NLK: variants seen among roughly 807,000 people sequenced by gnomAD.
The protein encoded by NLK is nemo like kinase, also known as serine/threonine-protein kinase NLK.
A neutral mutation model predicts 59.0 loss-of-function variants in NLK; 11 were observed. The ratio of observed to expected loss-of-function variants is 0.19; its 90% CI spans 0.12 to 0.31. NLK has a LOEUF of 0.31. NLK is among the 10% of genes least tolerant of loss of function. NLK has a pLI of 1.00. For missense variants in NLK, 410 were observed against 661.1 expected (o/e 0.62, Z 4.16); for synonymous variants, 235 against 235.9 (o/e 1.00, Z 0.03).
intron 6 of NLK, among the ~76,000 whole-genome samples, chr17:28,170,538 A>G (rs1483070977): frequency 6.6e-6 from 1 of 152,250 alleles, no homozygotes. Flanking sequence ...TGTTAAAAAA[A>G]TTATGTACAT....
intron 6 of NLK, among the ~76,000 whole-genome samples, chr17:28,170,159 G>A (rs1479027272): frequency 6.6e-6 from 1 of 152,176 alleles, no homozygotes; most frequent in African/African-American, 2.4e-5. Flanking sequence ...ATGGCATGTT[G>A]GAGGGAAGGT....
rs1004038164 is a variant in NLK, at chr17:28,152,914, A to G, written c.645-8246A>G. Among the ~76,000 whole-genome samples the G allele has an allele frequency of 2.0e-5, 3 of 151,990 alleles. No individual in the cohort carries two copies. The South Asian group carries it at 6.2e-4, about 32-fold the overall frequency. ...GTTGGGATTACAGGCATGAGCCACCATGCCTGGCCATTGGTACGTCAGGAT... is the reference window on the plus strand; with the variant it reads ...GTTGGGATTACAGGCATGAGCCACCGTGCCTGGCCATTGGTACGTCAGGAT... On this transcript the variant is annotated intron_variant, in intron 3 of 10. Coordinates refer to ENST00000407008, the MANE Select transcript of NLK (RefSeq NM_016231.5).
chr17:28,165,957 C>T (rs1024688277), intron 5 of NLK, among the ~76,000 whole-genome samples: 1 of 152,200 alleles, frequency 6.6e-6, no homozygotes, highest in African/African-American at 2.4e-5. Flanking sequence ...TGGCTCACGC[C>T]TGTAATCCCA....
At chr17:28,120,509 AGAAGGCTGAGGCAG>A (rs1425993869) in intron 1 of NLK, among the ~76,000 whole-genome samples, 1 of 152,138 alleles carries the variant, frequency 6.6e-6, no homozygotes, top group Non-Finnish European at 1.5e-5. Flanking sequence ...CTGTAGTCCC[AGAAGGCTGAGGCAG>A]GAAGACTGCT....
intron 3 of NLK, among the ~76,000 whole-genome samples, chr17:28,150,547 A>G (rs964496069): frequency 6.6e-6 from 1 of 152,212 alleles, no homozygotes; most frequent in Non-Finnish European, 1.5e-5. Flanking sequence ...AGAAAGCAGT[A>G]AAAAAGCTTG....
Position 28,129,721 on chromosome 17 carries a change from C to T in NLK, c.589-2899C>T, listed in dbSNP as rs78746352. 5.7e-3 allele frequency among the ~76,000 whole-genome samples: 872 copies of T among 152,060 alleles called. 6 individuals carry two copies. Among genetic ancestry groups the T allele is most frequent in the African/African-American group, 0.02 (820 of 41,492 alleles). On this transcript the variant is annotated intron_variant, in intron 2 of 10. Transcript: ENST00000407008. Reference sequence around the variant, plus strand: ...TTCTTATTCTTATTCTTATTCTTGTCTTTGAGTCCTTGGCAGAGTAGAAAC... The same window carrying T: ...TTCTTATTCTTATTCTTATTCTTGTTTTTGAGTCCTTGGCAGAGTAGAAAC...
chr17:28,167,733 T>C (rs948096973), intron 5 of NLK, among the ~76,000 whole-genome samples: 2 of 149,104 alleles, frequency 1.3e-5, no homozygotes, highest in Non-Finnish European at 3.0e-5. Flanking sequence ...TGGTAGCACA[T>C]GCCTGTAGTC....
At chr17:28,197,243 C>T (rs1681871336), downstream of NLK, among the ~76,000 whole-genome samples, 2 of 151,948 alleles carry the variant, frequency 1.3e-5, no homozygotes, top group Admixed American at 1.3e-4. Context: ...CTGAGGTGGG[C>T]AGATCACTTG....
intron 1 of NLK, among the ~76,000 whole-genome samples, chr17:28,047,353 G>T (rs1402377174): frequency 6.6e-6 from 1 of 152,142 alleles, no homozygotes; most frequent in Non-Finnish European, 1.5e-5. Context: ...TGTCCCCTCA[G>T]TTGTACTGTA....
chr17:28,098,193 TTAAAA>T (rs1904769920), intron 1 of NLK, among the ~76,000 whole-genome samples: 2 of 152,172 alleles, frequency 1.3e-5, no homozygotes, highest in African/African-American at 4.8e-5. Flanking sequence ...AAGTAAACAA[TTAAAA>T]TAACTGATTC....
chr17:28,111,888 GTGTGTGTGGTGTGTGTGTGT>G (rs1396762972), intron 1 of NLK, among the ~76,000 whole-genome samples: 2 of 121,262 alleles, frequency 1.6e-5, no homozygotes, highest in African/African-American at 6.5e-5. Flanking sequence ...GTGTGTGTGT[GTGTGTGTGGTGTGTGTGTGT>G]GTGTGTGTGT....
chr17:28,183,872 T>G (rs1020386092), intron 7 of NLK, among the ~76,000 whole-genome samples: 3 of 152,258 alleles, frequency 2.0e-5, no homozygotes, highest in Non-Finnish European at 4.4e-5. Flanking sequence ...AAAGGTTGTA[T>G]TAAGCATGGG....
At chr17:28,092,002 C>T (rs1904511746) in intron 1 of NLK, among the ~76,000 whole-genome samples, 1 of 152,078 alleles carries the variant, frequency 6.6e-6, no homozygotes, top group African/African-American at 2.4e-5. Flanking sequence ...CAGGTAGGCA[C>T]CCCTAGTTGA....
intron 3 of NLK, among the ~76,000 whole-genome samples, chr17:28,152,375 A>G (rs945368854): frequency 6.6e-6 from 1 of 152,248 alleles, no homozygotes; most frequent in African/African-American, 2.4e-5. Flanking sequence ...TGCCAGCACT[A>G]TGATTTCAAC....
chr17:28,120,238 GTGT>G (rs1567719363), intron 1 of NLK, among the ~76,000 whole-genome samples: 31 of 16,730 alleles, frequency 1.9e-3, no homozygotes, highest in African/African-American at 2.4e-3. Context: ...GGCTTGGGGT[GTGT>G]GTGTGTGTGT....
At chr17:28,135,803 AT>A (rs1228418234) in intron 3 of NLK, among the ~76,000 whole-genome samples, 1 of 152,214 alleles carries the variant, frequency 6.6e-6, no homozygotes, top group Non-Finnish European at 1.5e-5. Flanking sequence ...TCAGGCACAT[AT>A]TGTTTATATC....
intron 1 of NLK, among the ~76,000 whole-genome samples, chr17:28,095,589 G>A (rs1904672810): frequency 6.6e-6 from 1 of 152,098 alleles, no homozygotes; most frequent in South Asian, 2.1e-4. Flanking sequence ...TTATTATAAA[G>A]CAAGGTGCCA....
intron 10 of NLK, 47 bp downstream of exon 10, chr17:28,192,260 T>A: frequency 1.0e-6 from 1 of 986,840 alleles, no homozygotes; most frequent in East Asian, 2.5e-5. Context: ...ATTAAAAGGA[T>A]GCCAGTGTTA....
chr17:28,090,027 A>T (rs189300518), intron 1 of NLK, among the ~76,000 whole-genome samples: 1 of 152,172 alleles, frequency 6.6e-6, no homozygotes, highest in African/African-American at 2.4e-5. Flanking sequence ...GAAGAGCAGA[A>T]GTTTCTAATT....
Sources: gnomAD v4.1 joint callset for allele counts (sites outside exome capture counted in the v4.1 genomes callset) on GRCh38, gnomAD v4.1.1 for gene constraint, MANE v1.5 for transcripts, NCBI Gene and HGNC (gene_info 2026-07-23, HGNC 2026-07-21) for gene names.